The following CDH12 variants were observed in gnomAD, a reference collection of about 807,000 sequenced individuals.
CDH12 encodes the protein cadherin 12, also known as cadherin-12.
Under a neutral mutation model 74.1 loss-of-function variants are expected in CDH12, and 41 were observed. The observed-to-expected ratio is 0.55, with a 90% CI of 0.43 to 0.72. The LOEUF (loss-of-function observed/expected upper bound fraction) is 0.72. Ranked by LOEUF, CDH12 falls within the 30% of genes least tolerant of loss-of-function variation. CDH12 has a pLI of 0.00. For missense variants in CDH12, 945 were observed against 977.2 expected (o/e 0.97, Z 0.44); for synonymous variants, 399 against 355.0 (o/e 1.12, Z -1.39).
chr5:22,667,204 A>G (rs1740669532), intron 1 of CDH12, among the ~76,000 whole-genome samples: 1 of 152,140 alleles, frequency 6.6e-6, no homozygotes, highest in East Asian at 1.9e-4. Context: ...TCTGCATTCT[A>G]GTCTTTGTGT....
rs187559328 is a variant in CDH12, at chr5:21,987,043, C to A, written c.232-11658G>T. Among the ~76,000 whole-genome samples the A allele has an allele frequency of 4.1e-4, 63 of 152,132 alleles. No homozygotes were observed. In the East Asian group the frequency reaches 0.012, roughly 28 times the overall value. On this transcript the variant is annotated intron_variant, in intron 5 of 14. Coordinates refer to ENST00000382254, the MANE Select transcript of CDH12 (RefSeq NM_004061.5). The stretch of plus-strand genomic sequence containing the variant: ...TAATAATCCCAATAAAGCAGCTGAA[C>A]CCAAATCTGAACTCGAATGTAAAAC...
At chr5:21,828,864 ATT>A (rs1193122772) in intron 8 of CDH12, among the ~76,000 whole-genome samples, 2 of 118,668 alleles carry the variant, frequency 1.7e-5, no homozygotes, top group Non-Finnish European at 3.5e-5. Flanking sequence ...TTGCAATTTT[ATT>A]TGTTTCACAT....
intron 1 of CDH12, among the ~76,000 whole-genome samples, chr5:22,523,594 T>C (rs913672169): frequency 2.2e-4 from 33 of 152,208 alleles, no homozygotes; most frequent in African/African-American, 7.7e-4. Context: ...TCTTATCTTA[T>C]TGCTGTTGCA....
At chr5:22,317,401 A>G (rs935678904) in intron 3 of CDH12, among the ~76,000 whole-genome samples, 4 of 152,168 alleles carry the variant, frequency 2.6e-5, no homozygotes, top group Non-Finnish European at 4.4e-5. Context: ...ACATATTCAC[A>G]AATATATATT....
At chr5:22,586,274 T>C (rs10055920) in intron 1 of CDH12, among the ~76,000 whole-genome samples, 21,205 of 151,212 alleles carry the variant, frequency 0.14, 2,068 homozygotes, top group East Asian at 0.33. Flanking sequence ...CACTCACAGG[T>C]GGGAATTGAA....
chr5:22,182,490 T>A (rs1749701094), intron 4 of CDH12, among the ~76,000 whole-genome samples: 1 of 152,214 alleles, frequency 6.6e-6, no homozygotes, highest in Non-Finnish European at 1.5e-5. Context: ...AATGCTCACC[T>A]AAAAGAATAT....
intron 5 of CDH12, among the ~76,000 whole-genome samples, chr5:22,001,135 A>C (rs2150143923): frequency 6.6e-6 from 1 of 152,314 alleles, no homozygotes; most frequent in African/African-American, 2.4e-5. Flanking sequence ...TGATTACTTC[A>C]GAACATTAAA....
At chr5:22,464,017 C>T (rs1745628056) in intron 2 of CDH12, among the ~76,000 whole-genome samples, 1 of 152,138 alleles carries the variant, frequency 6.6e-6, no homozygotes, top group African/African-American at 2.4e-5. Context: ...CCAGAGTTCC[C>T]ATGTGTCTTG....
At chr5:22,375,345 A>G (rs1741475061) in intron 3 of CDH12, among the ~76,000 whole-genome samples, 1 of 152,148 alleles carries the variant, frequency 6.6e-6, no homozygotes, top group Non-Finnish European at 1.5e-5. Flanking sequence ...AAATTATTAG[A>G]AAAAGAAATA....
chr5:22,605,843 C>G (rs547806240), intron 1 of CDH12, among the ~76,000 whole-genome samples: 46 of 152,308 alleles, frequency 3.0e-4, no homozygotes, highest in African/African-American at 1.0e-3. Context: ...AGCAAAGGAG[C>G]CAGCCCATGA....
At chr5:21,754,099 G>T (rs773600561) in intron 14 of CDH12, among the ~76,000 whole-genome samples, 24 of 152,150 alleles carry the variant, frequency 1.6e-4, no homozygotes, top group Non-Finnish European at 3.2e-4. Context: ...GTCCAACATT[G>T]GACAGGCAGT....
At chr5:21,898,881 A>G (rs1753252615) in intron 6 of CDH12, among the ~76,000 whole-genome samples, 2 of 9,278 alleles carry the variant, frequency 2.2e-4, no homozygotes. Context: ...TTATCATGGA[A>G]GTTAAAACAA....
chr5:22,438,101 G>C (rs899755639), intron 2 of CDH12, among the ~76,000 whole-genome samples: 2 of 151,888 alleles, frequency 1.3e-5, no homozygotes, highest in African/African-American at 4.8e-5. Flanking sequence ...TCTTTACTTA[G>C]AAACGTCTTA....
intron 4 of CDH12, among the ~76,000 whole-genome samples, chr5:22,111,265 A>T (rs1744799120): frequency 6.6e-6 from 1 of 152,132 alleles, no homozygotes. Context: ...TTGTCAACTG[A>T]TTCTCTTAGA....
chr5:21,992,671 T>A (rs1273751039), intron 5 of CDH12, among the ~76,000 whole-genome samples: 1 of 152,190 alleles, frequency 6.6e-6, no homozygotes, highest in Admixed American at 6.6e-5. Flanking sequence ...GATCATCCAC[T>A]GTTTTTTACA....
At chr5:22,714,469 G>A (rs1367713429) in intron 1 of CDH12, among the ~76,000 whole-genome samples, 1 of 152,124 alleles carries the variant, frequency 6.6e-6, no homozygotes, top group East Asian at 1.9e-4. Context: ...CCTATTGCAA[G>A]TAAAATAATT....
chr5:21,994,308 TAAGAA>T (rs1423499355), intron 5 of CDH12, among the ~76,000 whole-genome samples: 1 of 134,064 alleles, frequency 7.5e-6, no homozygotes, highest in Non-Finnish European at 1.5e-5. Context: ...GTAAGAAAAT[TAAGAA>T]AAGAAGAAAG....
At chr5:22,683,641 A>AATAT (rs1281306663) in intron 1 of CDH12, among the ~76,000 whole-genome samples, 1 of 152,198 alleles carries the variant, frequency 6.6e-6, no homozygotes, top group African/African-American at 2.4e-5. Flanking sequence ...AAGTGCCTAA[A>AATAT]ATAAATCAGC....
chr5:22,031,447 A>C (rs1043492904), intron 5 of CDH12, among the ~76,000 whole-genome samples: 8 of 152,336 alleles, frequency 5.3e-5, no homozygotes, highest in African/African-American at 1.7e-4. Flanking sequence ...TCACTTTATT[A>C]TCATTCATGT....
Sources: gnomAD v4.1 joint callset for allele counts (sites outside exome capture counted in the v4.1 genomes callset) on GRCh38, gnomAD v4.1.1 for gene constraint, MANE v1.5 for transcripts, NCBI Gene and HGNC (gene_info 2026-07-23, HGNC 2026-07-21) for gene names.